Variants in MAGI2 observed in about 807,000 individuals in gnomAD.
The protein encoded by MAGI2 is membrane associated guanylate kinase, WW and PDZ domain containing 2, also known as membrane-associated guanylate kinase, WW and PDZ domain-containing protein 2.
A neutral mutation model predicts 133.3 loss-of-function variants in MAGI2; 35 were observed. The ratio of observed to expected loss-of-function variants is 0.26; its 90% confidence interval spans 0.20 to 0.35. The LOEUF (loss-of-function observed/expected upper bound fraction) is 0.35. MAGI2 is among the 10% of genes least tolerant of loss of function. The pLI, the probability that MAGI2 is intolerant of heterozygous loss-of-function variation, is 1.00. For missense variants in MAGI2, 1,636 were observed against 1,863.4 expected (o/e 0.88, Z 2.25); for synonymous variants, 729 against 710.6 (o/e 1.03, Z -0.41).
intron 1 of MAGI2, among the ~76,000 whole-genome samples, chr7:79,273,034 T>G (rs975732816): frequency 1.3e-5 from 2 of 152,092 alleles, no homozygotes; most frequent in Non-Finnish European, 2.9e-5. Context: ...TTTTTGTGGT[T>G]AAATACTAGG....
chr7:78,562,031 G>C (rs532989052), intron 3 of MAGI2, among the ~76,000 whole-genome samples: 1 of 152,280 alleles, frequency 6.6e-6, no homozygotes, highest in African/African-American at 2.4e-5. Context: ...TGAAGTTTGT[G>C]AAAGATTCAC....
chr7:79,169,402 A>G (rs2129548407), intron 1 of MAGI2, among the ~76,000 whole-genome samples: 1 of 152,264 alleles, frequency 6.6e-6, no homozygotes, highest in East Asian at 1.9e-4. Flanking sequence ...TTGGAATGTC[A>G]TAGTTCTAAA....
chr7:78,049,952 G>C (rs892124529), intron 21 of MAGI2, among the ~76,000 whole-genome samples: 1 of 152,310 alleles, frequency 6.6e-6, no homozygotes. Flanking sequence ...TCGTGGCAAT[G>C]AAATGCTCAC....
chr7:78,291,208 G>C (rs1282353121), intron 9 of MAGI2, among the ~76,000 whole-genome samples: 2 of 152,118 alleles, frequency 1.3e-5, no homozygotes, highest in South Asian at 4.1e-4. Context: ...GAAGAAAAGA[G>C]AGAAGAATCA....
At chr7:79,322,165 G>C (rs966113264) in intron 1 of MAGI2, among the ~76,000 whole-genome samples, 15 of 152,062 alleles carry the variant, frequency 9.9e-5, no homozygotes, top group Admixed American at 9.2e-4. Flanking sequence ...TCCTCATTTA[G>C]AGAACAAGGA....
intron 21 of MAGI2, among the ~76,000 whole-genome samples, chr7:78,075,371 T>G (rs1815166132): frequency 6.9e-6 from 1 of 145,638 alleles, no homozygotes; most frequent in Non-Finnish European, 1.5e-5. Flanking sequence ...ATTGATGTAA[T>G]AAATCTTTTT....
intron 2 of MAGI2, among the ~76,000 whole-genome samples, chr7:78,836,094 G>A (rs1003467838): frequency 3.9e-5 from 6 of 152,140 alleles, no homozygotes; most frequent in African/African-American, 7.2e-5. Context: ...ATTAGCAGAC[G>A]TCAGCATATT....
intron 1 of MAGI2, among the ~76,000 whole-genome samples, chr7:79,135,950 A>C (rs1014244371): frequency 9.0e-4 from 18 of 19,954 alleles, no homozygotes; most frequent in Non-Finnish European, 7.4e-3. Context: ...AAAGAAAGAA[A>C]GAAAGAAAGA....
At chr7:79,010,846 A>C (rs918436190) in intron 1 of MAGI2, 7 of 152,130 alleles carry the variant, frequency 4.6e-5, no homozygotes, top group African/African-American at 1.7e-4. Context: ...CTGAAGTGAC[A>C]CTTTCAGTAA....
chr7:78,783,768 C>T (rs1826584857), intron 2 of MAGI2, among the ~76,000 whole-genome samples: 1 of 152,176 alleles, frequency 6.6e-6, no homozygotes, highest in African/African-American at 2.4e-5. Context: ...CAGTGCTGTA[C>T]TGACGAACAC....
intron 2 of MAGI2, among the ~76,000 whole-genome samples, chr7:78,815,827 C>A (rs1418420927): frequency 1.3e-5 from 2 of 152,112 alleles, no homozygotes; most frequent in Non-Finnish European, 2.9e-5. Flanking sequence ...TGTCTTTATT[C>A]TCTAAGACTT....
intron 3 of MAGI2, among the ~76,000 whole-genome samples, chr7:78,562,543 A>C (rs1283363060): frequency 6.6e-6 from 1 of 152,250 alleles, no homozygotes; most frequent in African/African-American, 2.4e-5. Flanking sequence ...ATTTATAAAC[A>C]GTTGATGGTG....
At chr7:79,010,213 T>C (rs932459045) in intron 1 of MAGI2, among the ~76,000 whole-genome samples, 20 of 123,438 alleles carry the variant, frequency 1.6e-4, no homozygotes, top group Non-Finnish European at 3.4e-5. Flanking sequence ...ACACGTGTTA[T>C]ATGTATGTGT....
At chr7:78,936,875 T>G (rs1334377050) in intron 2 of MAGI2, among the ~76,000 whole-genome samples, 1 of 152,014 alleles carries the variant, frequency 6.6e-6, no homozygotes, top group East Asian at 1.9e-4. Flanking sequence ...AATGGATAGC[T>G]ACAGAAATGA....
intron 1 of MAGI2, among the ~76,000 whole-genome samples, chr7:79,381,648 G>C (rs1478888604): frequency 1.3e-5 from 2 of 151,716 alleles, no homozygotes; most frequent in Non-Finnish European, 2.9e-5. Context: ...AGATTAGGCA[G>C]AACTGAGTTT....
intron 1 of MAGI2, among the ~76,000 whole-genome samples, chr7:79,368,847 CAAAAAAAAAAAAAAAAAA>C (rs71095400): frequency 6.6e-5 from 5 of 75,330 alleles, no homozygotes; most frequent in Non-Finnish European, 5.8e-5. Flanking sequence ...GACTCCGTCT[CAAAAAAAAAAAAAAAAAA>C]AAAAAAAAAA....
At chr7:79,278,809 A>T (rs1196764910) in intron 1 of MAGI2, among the ~76,000 whole-genome samples, 1 of 152,164 alleles carries the variant, frequency 6.6e-6, no homozygotes, top group African/African-American at 2.4e-5. Flanking sequence ...CCTGCTACTT[A>T]GGTGGCCTTG....
chr7:78,729,755 T>G (rs1821186507), intron 2 of MAGI2, among the ~76,000 whole-genome samples: 1 of 152,198 alleles, frequency 6.6e-6, no homozygotes, highest in South Asian at 2.1e-4. Flanking sequence ...GAACATACAT[T>G]GGTTTGGTAG....
chr7:78,726,938 T>C (rs1329052003), intron 2 of MAGI2, among the ~76,000 whole-genome samples: 2 of 151,906 alleles, frequency 1.3e-5, no homozygotes, highest in East Asian at 3.9e-4. Context: ...TTTTGAAGTA[T>C]TTATGTTAAC....
Sources: allele counts gnomAD v4.1 joint callset (sites outside exome capture counted in the v4.1 genomes callset), GRCh38; gene constraint gnomAD v4.1.1; transcripts MANE v1.5; gene names NCBI Gene and HGNC (gene_info 2026-07-23, HGNC 2026-07-21).